Variants in ANO3 observed in about 807,000 individuals in gnomAD.
ANO3 encodes anoctamin 3.
A neutral mutation model predicts 144.8 loss-of-function variants in ANO3; 99 were observed. The ratio of observed to expected loss-of-function variants is 0.68; its 90% CI spans 0.58 to 0.81. The LOEUF (loss-of-function observed/expected upper bound fraction) is 0.81, where lower values mean the gene tolerates loss of function less well. Among genes scored for constraint, ANO3 ranks in the 30% least tolerant of loss-of-function variants. The probability of loss-of-function intolerance (pLI) is 0.00; values close to 1 mark genes in which losing one functional copy is unlikely to be tolerated. For synonymous variants in ANO3, 414 were observed against 392.6 expected (o/e 1.05, Z -0.64); for missense variants, 905 against 1,202.2 (o/e 0.75, Z 3.66).
At position 26,441,106 on chromosome 11, in the gene ANO3, G is replaced by GTTTTTT. The variant is rs1022676698; in HGVS notation, c.47-788_47-783dup. On this transcript the variant is annotated intron_variant, in intron 1 of 26. Transcript: ENST00000256737. ...TGTCTTGATCCCTGCTTGCTGCCCA[G>GTTTTTT]TTTTTTTTTTTTTTTTTTTTTTTTT... 6.6e-3 allele frequency among the ~76,000 whole-genome samples: 569 copies of GTTTTTT among 86,524 alleles called. 60 individuals carry two copies. Among genetic ancestry groups the GTTTTTT allele is most frequent in the East Asian group, 0.017 (44 of 2,650 alleles). The allele number at this position is 86,524 out of a possible 152,430, so 56.8% of individuals were successfully genotyped here. A position where few individuals can be genotyped will look rare whatever the true frequency, so the allele number is the denominator to read the frequency against.
intron 1 of ANO3, among the ~76,000 whole-genome samples, chr11:26,403,004 T>C (rs1857188841): frequency 6.6e-6 from 1 of 151,978 alleles, no homozygotes; most frequent in Non-Finnish European, 1.5e-5. Context: ...TACCTGTTTT[T>C]CTCACATTTC....
intron 21 of ANO3, 112 bp from the exon 22 acceptor site, chr11:26,641,784 C>A: frequency 1.8e-6 from 2 of 1,137,092 alleles, no homozygotes; most frequent in Non-Finnish European, 2.3e-6. Context: ...AACCAAATAC[C>A]TCCAATTCCG....
At chr11:26,326,013 A>G (rs1410304385) in intron 1 of ANO3, among the ~76,000 whole-genome samples, 1 of 152,140 alleles carries the variant, frequency 6.6e-6, no homozygotes, top group Non-Finnish European at 1.5e-5. Context: ...CTCTTTCCAC[A>G]TATCTCTGCT....
intron 1 of ANO3, among the ~76,000 whole-genome samples, chr11:26,304,576 T>C (rs1027421518): frequency 6.6e-6 from 1 of 152,164 alleles, no homozygotes; most frequent in Non-Finnish European, 1.5e-5. Context: ...ATAGGGGAGA[T>C]TGCAAATAAG....
At chr11:26,360,734 T>G (rs779677953) in intron 1 of ANO3, among the ~76,000 whole-genome samples, 2 of 152,200 alleles carry the variant, frequency 1.3e-5, no homozygotes, top group Non-Finnish European at 2.9e-5. Flanking sequence ...TGCTCTACTT[T>G]GTCAATTTTC....
chr11:26,231,826 A>C (rs1244198225), intron 1 of ANO3, among the ~76,000 whole-genome samples: 1 of 152,194 alleles, frequency 6.6e-6, no homozygotes, highest in Non-Finnish European at 1.5e-5. Flanking sequence ...ATTTATTATC[A>C]TGCAATTATG....
intron 1 of ANO3, among the ~76,000 whole-genome samples, chr11:26,225,489 C>CT (rs1421506911): frequency 6.6e-6 from 1 of 152,088 alleles, no homozygotes; most frequent in African/African-American, 2.4e-5. Context: ...TGACTTTTAG[C>CT]TTCATGCTCT....
intron 5 of ANO3, among the ~76,000 whole-genome samples, chr11:26,509,448 A>G (rs145236755): frequency 0.022 from 3,342 of 151,954 alleles, 62 homozygotes; most frequent in Non-Finnish European, 0.035. Context: ...AAGTAGCTGG[A>G]ATTACAGGAA....
intron 17 of ANO3, among the ~76,000 whole-genome samples, chr11:26,614,023 G>A (rs1285518825): frequency 1.3e-5 from 2 of 152,212 alleles, no homozygotes; most frequent in Admixed American, 6.5e-5. Context: ...AGGACCAGCT[G>A]TCAGGCCATG....
intron 1 of ANO3, among the ~76,000 whole-genome samples, chr11:26,218,358 A>C (rs1254253278): frequency 6.6e-6 from 1 of 151,926 alleles, no homozygotes; most frequent in Non-Finnish European, 1.5e-5. Flanking sequence ...TTATTTCTCT[A>C]ATTTTTTTAT....
intron 4 of ANO3, among the ~76,000 whole-genome samples, chr11:26,494,556 G>A (rs529502189): frequency 1.3e-5 from 2 of 152,260 alleles, no homozygotes; most frequent in African/African-American, 2.4e-5. Flanking sequence ...TTACCTTAGA[G>A]GAAATGCTGA....
intron 14 of ANO3, among the ~76,000 whole-genome samples, chr11:26,575,114 T>G (rs1850952801): frequency 6.6e-6 from 1 of 152,052 alleles, no homozygotes. Flanking sequence ...GTAAACATTT[T>G]GAAATATAAA....
At chr11:26,397,001 AC>A (rs1348043979) in intron 1 of ANO3, among the ~76,000 whole-genome samples, 1 of 151,102 alleles carries the variant, frequency 6.6e-6, no homozygotes, top group Non-Finnish European at 1.5e-5. Context: ...CAGAAAAAAA[AC>A]AAAAACAAAA....
At chr11:26,625,479 T>C (rs1355082465) in intron 18 of ANO3, among the ~76,000 whole-genome samples, 1 of 152,248 alleles carries the variant, frequency 6.6e-6, no homozygotes. Flanking sequence ...GCCAAATTAA[T>C]CGTTAGTCTT....
chr11:26,659,130 A>G (rs1466280066), intron 26 of ANO3, among the ~76,000 whole-genome samples: 1 of 151,538 alleles, frequency 6.6e-6, no homozygotes. Context: ...ACAAACATGT[A>G]TATGTATATT....
intron 1 of ANO3, among the ~76,000 whole-genome samples, chr11:26,325,626 G>A (rs1202183236): frequency 6.6e-6 from 1 of 152,084 alleles, no homozygotes; most frequent in Non-Finnish European, 1.5e-5. Flanking sequence ...GTTTTGTCAA[G>A]CTATTTGTCC....
At chr11:26,579,658 T>C (rs1373799445) in intron 14 of ANO3, among the ~76,000 whole-genome samples, 4 of 152,206 alleles carry the variant, frequency 2.6e-5, no homozygotes, top group Admixed American at 2.0e-4. Flanking sequence ...TATGCTAGGA[T>C]TTTCTATTTA....
chr11:26,255,795 A>G (rs1042305552), intron 1 of ANO3, among the ~76,000 whole-genome samples: 36 of 152,136 alleles, frequency 2.4e-4, no homozygotes, highest in African/African-American at 8.7e-4. Flanking sequence ...CTAAATCATG[A>G]TGCTCTACAG....
intron 21 of ANO3, among the ~76,000 whole-genome samples, chr11:26,641,212 A>G (rs1386629520): frequency 1.7e-5 from 1 of 60,546 alleles, no homozygotes; most frequent in Admixed American, 1.3e-4. Context: ...AAGCAGACTC[A>G]CGGACACAGA....
Sources: gnomAD v4.1 joint callset for allele counts (sites outside exome capture counted in the v4.1 genomes callset) on GRCh38, gnomAD v4.1.1 for gene constraint, MANE v1.5 for transcripts, NCBI Gene and HGNC (gene_info 2026-07-23, HGNC 2026-07-21) for gene names.